Variants in AUTS2 observed in about 807,000 individuals in gnomAD.
The protein encoded by AUTS2 is autism susceptibility gene 2 protein.
In AUTS2, 17 loss-of-function variants were observed where a neutral mutation model predicts 112.4. The observed-to-expected ratio is 0.15, with a 90% CI of 0.10 to 0.23. The LOEUF is 0.23. Among genes scored for constraint, AUTS2 ranks in the 10% least tolerant of loss-of-function variants. The pLI is 1.00. For missense variants in AUTS2, 1,510 were observed against 1,701.6 expected (o/e 0.89, Z 1.98); for synonymous variants, 751 against 702.7 (o/e 1.07, Z -1.09).
chr7:70,420,320 A>G (rs1321858260), intron 4 of AUTS2, among the ~76,000 whole-genome samples: 2 of 152,066 alleles, frequency 1.3e-5, no homozygotes, highest in African/African-American at 4.8e-5. Flanking sequence ...TGAGTCTTTT[A>G]TGATCCCTGC....
chr7:69,966,277 G>A (rs1194175611), intron 2 of AUTS2, among the ~76,000 whole-genome samples: 3 of 152,080 alleles, frequency 2.0e-5, no homozygotes, highest in South Asian at 4.1e-4. Flanking sequence ...GGTCATACAT[G>A]CTCCTGATCC....
At chr7:69,897,750 C>CT (rs1207938898) in intron 1 of AUTS2, among the ~76,000 whole-genome samples, 1 of 152,078 alleles carries the variant, frequency 6.6e-6, no homozygotes, top group Non-Finnish European at 1.5e-5. Flanking sequence ...AGAGCGAACT[C>CT]TGTCTCAGAA....
intron 4 of AUTS2, among the ~76,000 whole-genome samples, chr7:70,208,032 A>C (rs2129586892): frequency 6.6e-6 from 1 of 151,278 alleles, no homozygotes; most frequent in South Asian, 2.1e-4. Context: ...AAAAAAAAAA[A>C]AACCAACAAA....
intron 2 of AUTS2, among the ~76,000 whole-genome samples, chr7:70,045,446 T>C (rs1369989471): frequency 6.6e-6 from 1 of 152,154 alleles, no homozygotes; most frequent in Non-Finnish European, 1.5e-5. Context: ...GTAATAATTA[T>C]ATTTTAGATA....
At chr7:69,838,289 G>A (rs1324770102) in intron 1 of AUTS2, among the ~76,000 whole-genome samples, 4 of 149,528 alleles carry the variant, frequency 2.7e-5, no homozygotes, top group African/African-American at 9.8e-5. Flanking sequence ...TAAAGAATCA[G>A]GCCTAAAGCG....
chr7:69,676,580 C>T (rs1356778554), intron 1 of AUTS2, among the ~76,000 whole-genome samples: 3 of 152,158 alleles, frequency 2.0e-5, no homozygotes, highest in African/African-American at 7.2e-5. Flanking sequence ...GGTATCTTGA[C>T]TTAAATAAGT....
At chr7:70,416,422 G>A (rs925051359) in intron 4 of AUTS2, among the ~76,000 whole-genome samples, 2 of 152,210 alleles carry the variant, frequency 1.3e-5, no homozygotes, top group Non-Finnish European at 2.9e-5. Flanking sequence ...CTATTTTGGT[G>A]AGAACAGGCA....
intron 2 of AUTS2, among the ~76,000 whole-genome samples, chr7:69,909,092 C>T (rs561621866): frequency 6.6e-6 from 1 of 152,168 alleles, no homozygotes; most frequent in Admixed American, 6.5e-5. Context: ...ATATTGTTAG[C>T]AAAACTTGGG....
intron 1 of AUTS2, among the ~76,000 whole-genome samples, chr7:69,713,213 T>A (rs1798416044): frequency 6.6e-6 from 1 of 152,196 alleles, no homozygotes; most frequent in Non-Finnish European, 1.5e-5. Flanking sequence ...TACCACCTCA[T>A]ACATTTATCG....
At chr7:70,308,655 C>T (rs1789595100) in intron 4 of AUTS2, among the ~76,000 whole-genome samples, 1 of 152,140 alleles carries the variant, frequency 6.6e-6, no homozygotes, top group African/African-American at 2.4e-5. Flanking sequence ...TAGAACAGTG[C>T]TTAACATATA....
intron 1 of AUTS2, among the ~76,000 whole-genome samples, chr7:69,731,307 CAAAT>C (rs957852101): frequency 2.6e-5 from 4 of 152,020 alleles, no homozygotes; most frequent in African/African-American, 4.8e-5. Flanking sequence ...CAAAACAAAA[CAAAT>C]AAACAAAAAA....
intron 5 of AUTS2, among the ~76,000 whole-genome samples, chr7:70,686,784 C>T (rs543120992): frequency 1.3e-5 from 2 of 152,194 alleles, no homozygotes; most frequent in Non-Finnish European, 2.9e-5. Flanking sequence ...CTGCCCACCT[C>T]GGTCTCCCAA....
chr7:69,853,116 A>G (rs1792562810), intron 1 of AUTS2, among the ~76,000 whole-genome samples: 1 of 152,122 alleles, frequency 6.6e-6, no homozygotes, highest in Non-Finnish European at 1.5e-5. Context: ...TGCTTTGTTA[A>G]GTGTAGTGTG....
chr7:70,156,616 T>C (rs1300902897), intron 4 of AUTS2, among the ~76,000 whole-genome samples: 1 of 152,064 alleles, frequency 6.6e-6, no homozygotes, highest in Non-Finnish European at 1.5e-5. Flanking sequence ...TTGAGAATGT[T>C]TGTGATTCCT....
intron 1 of AUTS2, among the ~76,000 whole-genome samples, chr7:69,834,894 G>A (rs1440198312): frequency 6.6e-6 from 1 of 151,992 alleles, no homozygotes; most frequent in Non-Finnish European, 1.5e-5. Context: ...TTCTTTTCTT[G>A]TTCTCGTCTT....
At chr7:70,245,172 A>AT (rs1812854414) in intron 4 of AUTS2, among the ~76,000 whole-genome samples, 1 of 139,994 alleles carries the variant, frequency 7.1e-6, no homozygotes, top group Non-Finnish European at 1.5e-5. Context: ...ATATATATAA[A>AT]AAATAAAAAA....
intron 5 of AUTS2, among the ~76,000 whole-genome samples, chr7:70,580,335 T>C (rs1233201510): frequency 2.0e-5 from 3 of 152,130 alleles, no homozygotes; most frequent in East Asian, 1.9e-4. Context: ...CCCAGCATCA[T>C]TGACATTCCA....
intron 2 of AUTS2, among the ~76,000 whole-genome samples, chr7:69,990,409 T>C (rs1798699041): frequency 6.6e-6 from 1 of 152,194 alleles, no homozygotes; most frequent in African/African-American, 2.4e-5. Context: ...ATTTTCATGT[T>C]GTTCCAGATG....
chr7:70,584,170 C>A (rs1563057192), intron 5 of AUTS2, among the ~76,000 whole-genome samples: 1 of 152,288 alleles, frequency 6.6e-6, no homozygotes, highest in East Asian at 1.9e-4. Flanking sequence ...AAGTAATGCC[C>A]TGTAGCATAA....
Sources: gnomAD v4.1 joint callset for allele counts (sites outside exome capture counted in the v4.1 genomes callset) on GRCh38, gnomAD v4.1.1 for gene constraint, MANE v1.5 for transcripts, NCBI Gene and HGNC (gene_info 2026-07-23, HGNC 2026-07-21) for gene names.